LDHB: variants seen among roughly 807,000 people sequenced by gnomAD.
LDHB encodes the protein L-lactate dehydrogenase B chain.
In LDHB, 18 loss-of-function variants were observed where a neutral mutation model predicts 33.4. The observed-to-expected ratio is 0.54, with a 90% CI of 0.37 to 0.80. The LOEUF is 0.80. LDHB is among the 30% of genes least tolerant of loss of function. LDHB has a pLI of 0.00. For synonymous variants in LDHB, 121 were observed against 140.6 expected (o/e 0.86, Z 0.98); for missense variants, 345 against 407.9 (o/e 0.85, Z 1.33).
intron 2 of LDHB, among the ~76,000 whole-genome samples, chr12:21,647,306 CT>C (rs1176298536): frequency 6.6e-6 from 1 of 152,154 alleles, no homozygotes; most frequent in Non-Finnish European, 1.5e-5. Flanking sequence ...CAAAAATACA[CT>C]CAGGCCCAGA....
At position 21,642,081 on chromosome 12, in the gene LDHB, T is replaced by C; in HGVS notation, c.466A>G (p.Lys156Glu). ...CATCCACTTCCAATCACGCGGTGTT[T>C]GGGTAATCCACTTAGTTTCCAGGTA... The part of the protein sequence containing the change: ...YVTWKLSGLP[K>E]HRVIGSGCNL... Residue 156 changes from lysine to glutamate, a missense_variant, in exon 5 of 8, where the codon AAA (lysine) becomes GAA (glutamate). By Grantham distance (56) the Lys-to-Glu change is moderately conservative. Coordinates refer to ENST00000350669, the MANE Select transcript of LDHB (RefSeq NM_002300.8). The C allele has an allele frequency of 6.2e-7, 1 of 1,613,610 alleles. No individual in the cohort carries two copies. The highest frequency in any genetic ancestry group is 1.1e-5 in the South Asian group (1 of 91,072).
intron 6 of LDHB, among the ~76,000 whole-genome samples, chr12:21,637,632 C>T (rs1938253767): frequency 6.6e-6 from 1 of 152,012 alleles, no homozygotes; most frequent in South Asian, 2.1e-4. Context: ...AGTATCTTGC[C>T]TGACAGTTTT....
chr12:21,653,462 T>A (rs1474266323), intron 2 of LDHB, among the ~76,000 whole-genome samples: 1 of 152,084 alleles, frequency 6.6e-6, no homozygotes, highest in African/African-American at 2.4e-5. Flanking sequence ...CAAAACTGGT[T>A]CCCTAGTGCC....
At chr12:21,649,801 C>A (rs962422792) in intron 2 of LDHB, among the ~76,000 whole-genome samples, 1 of 152,026 alleles carries the variant, frequency 6.6e-6, no homozygotes, top group Non-Finnish European at 1.5e-5. Flanking sequence ...ATTTTTATAT[C>A]CAAGTGTTGG....
chr12:21,651,191 G>A (rs1018590751), intron 2 of LDHB, among the ~76,000 whole-genome samples: 8 of 152,224 alleles, frequency 5.3e-5, no homozygotes, highest in Admixed American at 1.3e-4. Flanking sequence ...GCCTTGGTGT[G>A]TATGGTGCCC....
intron 2 of LDHB, among the ~76,000 whole-genome samples, chr12:21,647,851 C>G (rs1346236088): frequency 6.6e-6 from 1 of 152,060 alleles, no homozygotes; most frequent in Non-Finnish European, 1.5e-5. Context: ...TACGTGCCAC[C>G]ACACCCAGCT....
At chr12:21,651,938 A>T (rs1938700727) in intron 2 of LDHB, among the ~76,000 whole-genome samples, 1 of 152,376 alleles carries the variant, frequency 6.6e-6, no homozygotes, top group East Asian at 1.9e-4. Flanking sequence ...GATAAAGGGA[A>T]AAGAACGCTA....
intron 6 of LDHB, chr12:21,637,467 T>C (rs1938250042): frequency 6.6e-6 from 2 of 303,552 alleles, no homozygotes; most frequent in Non-Finnish European, 6.1e-6. Context: ...GGCAAAAATA[T>C]ACATTTTCCA....
At chr12:21,642,311 A>G (rs772841965) in intron 4 of LDHB, among the ~76,000 whole-genome samples, 186 bp from the exon 5 acceptor site, 26 of 152,174 alleles carry the variant, frequency 1.7e-4, no homozygotes, top group Non-Finnish European at 2.1e-4. Flanking sequence ...TGACAAAAAC[A>G]AACTTTTAAG....
chr12:21,643,039 C>T (rs1301625804), intron 4 of LDHB, among the ~76,000 whole-genome samples: 1 of 152,200 alleles, frequency 6.6e-6, no homozygotes, highest in Non-Finnish European at 1.5e-5. Context: ...CTACCTGGCA[C>T]ATATATATTT....
Position 21,635,499 on chromosome 12 carries a change from T to A in LDHB, c.*43A>T, listed in dbSNP as rs918880329. 134 of 1,501,560 alleles carry A rather than the reference T, an allele frequency of 8.9e-5. No homozygotes were observed. Among genetic ancestry groups the A allele is most frequent in the Non-Finnish European group, 1.2e-4 (133 of 1,079,412 alleles). The allele number at this position is 1,501,560 out of a possible 1,614,324, so 93.0% of individuals were successfully genotyped here. A position where few individuals can be genotyped will look rare whatever the true frequency, so the allele number is the denominator to read the frequency against. ...GATGAAAACTAAAGGCTCGAGTTAA[T>A]CACATTGTAGTTTTTAAATTTCTAC... is the stretch of plus-strand genomic sequence containing the variant. On this transcript the variant is annotated 3_prime_UTR_variant, in exon 8 of 8. Coordinates refer to ENST00000350669, the MANE Select transcript of LDHB (RefSeq NM_002300.8).
chr12:21,651,449 G>T (rs1938686260), intron 2 of LDHB, among the ~76,000 whole-genome samples: 1 of 152,110 alleles, frequency 6.6e-6, no homozygotes, highest in Admixed American at 6.5e-5. Flanking sequence ...TGTACAAAGG[G>T]GCCTTAGTGG....
At chr12:21,655,068 C>G (rs1208187566) in intron 1 of LDHB, among the ~76,000 whole-genome samples, 1 of 151,964 alleles carries the variant, frequency 6.6e-6, no homozygotes, top group African/African-American at 2.4e-5. Flanking sequence ...TTGCAGTGAG[C>G]TTAGATCTCA....
At chr12:21,642,165 CCA>C (rs1565626641) in intron 4 of LDHB, 40 bp from the exon 5 acceptor site, 2 of 1,485,804 alleles carry the variant, frequency 1.3e-6, no homozygotes, top group South Asian at 2.3e-5. Flanking sequence ...TAAACCAAAA[CCA>C]ACTTCAACTG....
Position 21,635,720 on chromosome 12 carries a change from A to C in LDHB, c.838-11T>G, listed in dbSNP as rs1384415019. The C allele has an allele frequency of 1.2e-6, 2 of 1,612,770 alleles. No individual in the cohort carries two copies. Among genetic ancestry groups the C allele is most frequent in the Non-Finnish European group, 1.7e-6 (2 of 1,179,054 alleles). ...AATGCCATACATCCCCTGCCAGAAC[A>C]ACAAAGCATCGAGATTAAGACATGA... On this transcript the variant is annotated splice_polypyrimidine_tract_variant and intron_variant, in intron 7 of 7. Transcript: ENST00000350669.
rs544987526 is a variant in LDHB at position 21,637,376 on chromosome 12, G to A, written c.714-182C>T. 15 of 580,822 alleles carry A rather than the reference G, an allele frequency of 2.6e-5. No individual in the cohort carries two copies. The South Asian group carries it at 2.6e-4, about 10-fold the overall frequency. The allele number at this position is 580,822 out of a possible 1,614,324, so 36.0% of individuals were successfully genotyped here. On this transcript the variant is annotated intron_variant, in intron 6 of 7. Transcript: ENST00000350669. ...ATATATATGTAAAATGCTTAAAACTGTAAGCACTACACAGTAAACACTATA... is the reference window on the plus strand; with the variant it reads ...ATATATATGTAAAATGCTTAAAACTATAAGCACTACACAGTAAACACTATA...
At chr12:21,642,210 T>C in intron 4 of LDHB, 85 bp from the exon 5 acceptor site, 1 of 880,904 alleles carries the variant, frequency 1.1e-6, no homozygotes, top group Non-Finnish European at 1.9e-6. Flanking sequence ...GCTTCCCTTT[T>C]CCCACTTCCC....
At chr12:21,655,009 T>C (rs968403709) in intron 1 of LDHB, among the ~76,000 whole-genome samples, 1 of 152,010 alleles carries the variant, frequency 6.6e-6, no homozygotes, top group Non-Finnish European at 1.5e-5. Flanking sequence ...TAGTCCTAAC[T>C]ACTCAGGAGG....
chr12:21,644,424 CAAAA>C lies in LDHB; in HGVS notation c.248-320_248-317del, dbSNP rs72491634. Among the ~76,000 whole-genome samples the C allele has an allele frequency of 6.3e-3, 97 of 15,282 alleles. 2 individuals carry two copies. The highest frequency in any genetic ancestry group is 8.0e-3 in the Admixed American group (7 of 880). 10.0% of individuals were successfully genotyped at this position (15,282 alleles called of 152,430 possible). On this transcript the variant is annotated intron_variant, in intron 3 of 7. Coordinates refer to ENST00000350669, the MANE Select transcript of LDHB (RefSeq NM_002300.8). ...AACAGTGACTCCAATAGGTAGACAT[CAAAA>C]AAAAAAAAAAAAAAAAACAAAAACA...
Sources: gnomAD v4.1 joint callset for allele counts (sites outside exome capture counted in the v4.1 genomes callset) on GRCh38, gnomAD v4.1.1 for gene constraint, MANE v1.5 for transcripts, NCBI Gene and HGNC (gene_info 2026-07-23, HGNC 2026-07-21) for gene names.